Variants in ZDHHC15 observed in about 807,000 individuals in gnomAD.
The protein encoded by ZDHHC15 is zDHHC palmitoyltransferase 15.
In ZDHHC15, 19 loss-of-function variants were observed where a neutral mutation model predicts 31.7. The ratio of observed to expected loss-of-function variants is 0.60; its 90% CI spans 0.42 to 0.88. The LOEUF (loss-of-function observed/expected upper bound fraction) is 0.88. ZDHHC15 is among the 40% of genes least tolerant of loss of function. The probability of loss-of-function intolerance (pLI) is 0.00; values close to 1 mark genes in which losing one functional copy is unlikely to be tolerated. For synonymous variants in ZDHHC15, 103 were observed against 90.0 expected, an observed-to-expected ratio of 1.14 and a Z score of -0.82; for missense variants, 209 against 251.2, an observed-to-expected ratio of 0.83 and a Z score of 1.14.
intron 1 of ZDHHC15, among the ~76,000 whole-genome samples, chrX:75,522,471 G>A (rs1478532882): frequency 9.0e-6 from 1 of 111,427 alleles, no homozygotes; most frequent in East Asian, 2.8e-4. Flanking sequence ...AAAATGGTGG[G>A]GCTCCTAGTT....
At chrX:75,521,769 G>T (rs1201014206) in intron 1 of ZDHHC15, among the ~76,000 whole-genome samples, 2 of 111,300 alleles carry the variant, frequency 1.8e-5, no homozygotes, top group African/African-American at 6.5e-5. Flanking sequence ...TGGGACAAGT[G>T]CAATCCAATG....
At chrX:75,403,095 A>G (rs1448182353) in intron 10 of ZDHHC15, among the ~76,000 whole-genome samples, 1 of 112,643 alleles carries the variant, frequency 8.9e-6, no homozygotes, top group African/African-American at 3.2e-5. Context: ...TATGAAAATG[A>G]ATAAATGTGA....
intron 3 of ZDHHC15, among the ~76,000 whole-genome samples, chrX:75,477,035 C>T (rs886998609): frequency 4.5e-5 from 5 of 110,947 alleles, no homozygotes; most frequent in African/African-American, 1.6e-4. Flanking sequence ...TTTTTCTGAG[C>T]ACTGCTTTAT....
At position 75,409,505 on chromosome X, in the gene ZDHHC15, A is replaced by C. The variant is rs1449283445; in HGVS notation, c.967+7582T>G. 8.1e-4 allele frequency among the ~76,000 whole-genome samples: 85 copies of C among 104,370 alleles called. 1 individual carries two copies. The highest frequency in any genetic ancestry group is 2.8e-3 in the African/African-American group (80 of 28,621). 90.6% of individuals were successfully genotyped at this position (104,370 alleles called of 115,157 possible). A position where few individuals can be genotyped will look rare whatever the true frequency, so the allele number is the denominator to read the frequency against. ...CCTGCCAAAAAAAAAAAAAAAAAAA[A>C]AAAAAAAACACTACAAAGTGGTGGC... On this transcript the variant is annotated intron_variant, in intron 10 of 11. Coordinates refer to ENST00000373367, the MANE Select transcript of ZDHHC15 (RefSeq NM_144969.3).
At chrX:75,495,688 A>T (rs1214458707) in intron 2 of ZDHHC15, among the ~76,000 whole-genome samples, 1 of 106,516 alleles carries the variant, frequency 9.4e-6, no homozygotes, top group Non-Finnish European at 1.9e-5. Flanking sequence ...AGGACAAAAA[A>T]CCAAATACCG....
At chrX:75,505,364 T>C (rs2085141985) in intron 2 of ZDHHC15, among the ~76,000 whole-genome samples, 1 of 111,306 alleles carries the variant, frequency 9.0e-6, no homozygotes, top group African/African-American at 3.3e-5. Context: ...GTAGTATATT[T>C]TGCAGGTCAA....
intron 2 of ZDHHC15, among the ~76,000 whole-genome samples, chrX:75,499,178 T>C (rs1394923380): frequency 9.0e-6 from 1 of 111,236 alleles, no homozygotes; most frequent in Non-Finnish European, 1.9e-5. Context: ...ATCATAAAAA[T>C]TCCAGAAAAT....
intron 4 of ZDHHC15, among the ~76,000 whole-genome samples, chrX:75,437,006 C>T (rs1471662252): frequency 4.5e-5 from 5 of 111,337 alleles, no homozygotes; most frequent in Non-Finnish European, 7.6e-5. Context: ...CTCAGCCTCC[C>T]GAGTAGCTGG....
chrX:75,519,388 T>A (rs1032954018), intron 1 of ZDHHC15, among the ~76,000 whole-genome samples: 5 of 111,245 alleles, frequency 4.5e-5, no homozygotes, highest in Non-Finnish European at 5.7e-5. Context: ...TATTTGAGCC[T>A]CACAGCAGTA....
chrX:75,410,772 G>T (rs1300524225), intron 10 of ZDHHC15, among the ~76,000 whole-genome samples: 1 of 112,214 alleles, frequency 8.9e-6, no homozygotes, highest in Non-Finnish European at 1.9e-5. Context: ...GTATCAAAGA[G>T]ATATTTGTAC....
intron 1 of ZDHHC15, among the ~76,000 whole-genome samples, chrX:75,509,400 A>T (rs1427943969): frequency 8.9e-6 from 1 of 112,086 alleles, no homozygotes; most frequent in Non-Finnish European, 1.9e-5. Context: ...GAACATCTGA[A>T]TCCAGATGAC....
At chrX:75,497,932 A>G (rs866703164) in intron 2 of ZDHHC15, among the ~76,000 whole-genome samples, 15 of 39,317 alleles carry the variant, frequency 3.8e-4, no homozygotes, top group Non-Finnish European at 7.3e-4. Context: ...AAGGATGCCC[A>G]CTTTTTTTTT....
At chrX:75,457,477 G>A (rs2084242099) in intron 3 of ZDHHC15, among the ~76,000 whole-genome samples, 1 of 110,995 alleles carries the variant, frequency 9.0e-6, no homozygotes, top group Non-Finnish European at 1.9e-5. Context: ...GAAGATCATG[G>A]TGGGAGTGCA....
chrX:75,412,113 G>T (rs1478191924), intron 10 of ZDHHC15, among the ~76,000 whole-genome samples: 1 of 111,735 alleles, frequency 8.9e-6, no homozygotes, highest in African/African-American at 3.3e-5. Flanking sequence ...TTCTCAAAAA[G>T]TCAAAAGATA....
chrX:75,504,899 A>T (rs1165101881), intron 2 of ZDHHC15, among the ~76,000 whole-genome samples: 2 of 111,679 alleles, frequency 1.8e-5, no homozygotes, highest in African/African-American at 6.5e-5. Context: ...AGTGCTCTAC[A>T]TACATTTACT....
intron 3 of ZDHHC15, among the ~76,000 whole-genome samples, chrX:75,456,053 T>C (rs997821599): frequency 8.1e-5 from 9 of 111,631 alleles, no homozygotes; most frequent in Non-Finnish European, 1.9e-5. Flanking sequence ...CACACACACA[T>C]GTATGTTTAT....
At chrX:75,421,595 G>T (rs2083642054) in intron 9 of ZDHHC15, among the ~76,000 whole-genome samples, 1 of 98,619 alleles carries the variant, frequency 1.0e-5, no homozygotes, top group Non-Finnish European at 2.0e-5. Flanking sequence ...TGTTGGGCAA[G>T]TAGATTCTTA....
chrX:75,379,046 T>C, intron 11 of ZDHHC15, 74 bp downstream of exon 11: 1 of 811,300 alleles, frequency 1.2e-6, no homozygotes, highest in East Asian at 3.2e-5. Flanking sequence ...ACTTATTTCT[T>C]TTCTAGTTCT....
intron 10 of ZDHHC15, among the ~76,000 whole-genome samples, chrX:75,385,837 C>CT (rs764344928): frequency 6.0e-4 from 67 of 111,695 alleles, no homozygotes; most frequent in Middle Eastern, 4.6e-3. Flanking sequence ...CCTTTGAATT[C>CT]TTATAGCACA....
Sources: allele counts gnomAD v4.1 joint callset (sites outside exome capture counted in the v4.1 genomes callset), GRCh38; gene constraint gnomAD v4.1.1; transcripts MANE v1.5; gene names NCBI Gene and HGNC (gene_info 2026-07-23, HGNC 2026-07-21).